PCDHGA4: variants seen among roughly 807,000 people sequenced by gnomAD.
PCDHGA4 encodes protocadherin gamma-A4.
Under a neutral mutation model 54.6 loss-of-function variants are expected in PCDHGA4, and 38 were observed. The observed-to-expected ratio is 0.70, with a 90% confidence interval of 0.54 to 0.91. The LOEUF (loss-of-function observed/expected upper bound fraction) is 0.91, where lower values mean the gene tolerates loss of function less well. Ranked by LOEUF, PCDHGA4 falls within the 40% of genes least tolerant of loss-of-function variation. PCDHGA4 has a pLI of 0.00. For synonymous variants in PCDHGA4, 511 were observed against 512.9 expected, an observed-to-expected ratio of 1.00 and a Z score of 0.05; for missense variants, 1,298 against 1,220.9, an observed-to-expected ratio of 1.06 and a Z score of -0.94.
chr5:141,393,731 T>C (rs1268576228), intron 1 of PCDHGA4: 1 of 1,613,754 alleles, frequency 6.2e-7, no homozygotes, highest in Non-Finnish European at 8.5e-7. Context: ...TAGCAAAAAG[T>C]CTAGATTATG....
In PCDHGA4 at chr5:141,385,085, A is replaced by G. The variant is rs753751562; in HGVS notation, c.2514+27464A>G. The G allele has an allele frequency of 1.1e-5, 18 of 1,614,014 alleles. No homozygotes were observed. In the Admixed American group the frequency reaches 3.0e-4, roughly 27 times the overall value. On this transcript the variant is annotated intron_variant, in intron 1 of 3. Transcript: ENST00000571252. ...AAGTCACGCCTGCTGCAGGCTTCAGAAGGTGGCTTGGCGAACGTGCCCACC... is the reference window on the plus strand; with the variant it reads ...AAGTCACGCCTGCTGCAGGCTTCAGGAGGTGGCTTGGCGAACGTGCCCACC...
intron 1 of PCDHGA4, among the ~76,000 whole-genome samples, chr5:141,465,905 G>A (rs938438286): frequency 6.6e-6 from 1 of 151,958 alleles, no homozygotes; most frequent in Admixed American, 6.6e-5. Flanking sequence ...GGCAAATCAC[G>A]AGGTCAGGAT....
chr5:141,404,164 G>A, intron 1 of PCDHGA4: 2 of 1,613,126 alleles, frequency 1.2e-6, no homozygotes, highest in South Asian at 2.2e-5. Context: ...ATTACAGATT[G>A]TTGACGGCCC....
chr5:141,485,274 C>T lies in PCDHGA4; in HGVS notation c.2515-9533C>T. On this transcript the variant is annotated intron_variant, in intron 1 of 3. Transcript: ENST00000571252. The surrounding 1 kb of genome is among the most constrained non-coding windows in gnomAD (Gnocchi z 5.7). Reference sequence around the variant, plus strand: ...TACGTTTGTGGGCAGATCCGCTACCCGGTCCCAGAGGAGTCACAGGAAGGG... The same window carrying T: ...TACGTTTGTGGGCAGATCCGCTACCTGGTCCCAGAGGAGTCACAGGAAGGG... The T allele has an allele frequency of 6.2e-7, 1 of 1,614,106 alleles. No individual in the cohort carries two copies. Among genetic ancestry groups the T allele is most frequent in the South Asian group, 1.1e-5 (1 of 91,086 alleles).
chr5:141,421,395 G>A (rs2096569109), intron 1 of PCDHGA4: 1 of 1,613,950 alleles, frequency 6.2e-7, no homozygotes, highest in Admixed American at 1.7e-5. Flanking sequence ...TGGGGCTGGA[G>A]CCCCGGGAGC....
intron 1 of PCDHGA4, chr5:141,384,230 A>G (rs771827146): frequency 1.2e-6 from 2 of 1,613,916 alleles, no homozygotes; most frequent in Admixed American, 3.3e-5. Flanking sequence ...CAGGTGGCAG[A>G]CACCAACGAT....
chr5:141,378,535 T>C (rs1235721694), intron 1 of PCDHGA4: 1 of 152,092 alleles, frequency 6.6e-6, no homozygotes, highest in Non-Finnish European at 1.5e-5. Context: ...AAAATAATAA[T>C]GATAATTAAT....
intron 1 of PCDHGA4, chr5:141,372,151 A>G: frequency 6.2e-7 from 1 of 1,613,654 alleles, no homozygotes; most frequent in South Asian, 1.1e-5. Flanking sequence ...GAGCCTGGCT[A>G]CCTGGTGACC....
chr5:141,503,046 G>T (rs1187153008), intron 2 of PCDHGA4, among the ~76,000 whole-genome samples: 1 of 151,658 alleles, frequency 6.6e-6, no homozygotes, highest in Non-Finnish European at 1.5e-5. Flanking sequence ...GTTGAGACAG[G>T]GTTTCACCAT....
chr5:141,462,243 A>C (rs141980823), intron 1 of PCDHGA4, among the ~76,000 whole-genome samples: 70 of 152,368 alleles, frequency 4.6e-4, no homozygotes, highest in African/African-American at 1.6e-3. Flanking sequence ...TACAGGTATG[A>C]GCCACCATGA....
chr5:141,423,546 G>A, intron 1 of PCDHGA4: 1 of 1,613,708 alleles, frequency 6.2e-7, no homozygotes, highest in Non-Finnish European at 8.5e-7. Flanking sequence ...TTTTCCCCCA[G>A]CCCAACTATG....
chr5:141,383,480 T>C, intron 1 of PCDHGA4: 2 of 1,613,740 alleles, frequency 1.2e-6, no homozygotes, highest in Non-Finnish European at 1.7e-6. Context: ...TACCCGGAAC[T>C]GGTGCTGGAG....
In PCDHGA4 at chr5:141,376,236, G is replaced by T. The variant is rs202155785; in HGVS notation, c.2514+18615G>T. ...GTGCTGCTGGCGCTCAGACTGCAGCGCTGGCACAAGTCACGCCTGCTGCAG... is the reference window on the plus strand; with the variant it reads ...GTGCTGCTGGCGCTCAGACTGCAGCTCTGGCACAAGTCACGCCTGCTGCAG... On this transcript the variant is annotated intron_variant, in intron 1 of 3. Coordinates refer to ENST00000571252, the MANE Select transcript of PCDHGA4 (RefSeq NM_018917.4). The T allele has an allele frequency of 2.8e-3, 4,477 of 1,614,208 alleles. 145 individuals carry two copies. In the South Asian group the frequency reaches 0.046, roughly 17 times the overall value.
chr5:141,402,593 G>T (rs4151700), intron 1 of PCDHGA4, among the ~76,000 whole-genome samples: 8,085 of 152,244 alleles, frequency 0.053, 229 homozygotes, highest in South Asian at 0.08. Flanking sequence ...AAAATAGATT[G>T]CTTTTGAAAT....
At chr5:141,370,214 C>A (rs988145754) in intron 1 of PCDHGA4, 8 of 565,608 alleles carry the variant, frequency 1.4e-5, no homozygotes, top group Non-Finnish European at 2.1e-5. Flanking sequence ...ATTGGCTCCT[C>A]CCGCTGCAGC....
chr5:141,408,897 T>C (rs1156707427), intron 1 of PCDHGA4: 1 of 1,613,118 alleles, frequency 6.2e-7, no homozygotes, highest in East Asian at 2.2e-5. Context: ...GAAATTTCTG[T>C]CAAGGATACC....
At chr5:141,363,012 T>G (rs1296290865) in intron 1 of PCDHGA4, among the ~76,000 whole-genome samples, 1 of 152,230 alleles carries the variant, frequency 6.6e-6, no homozygotes, top group African/African-American at 2.4e-5. Context: ...TCACAGGGCA[T>G]GGGTAGGACA....
At position 141,408,301 on chromosome 5, in the gene PCDHGA4, C is replaced by T. The variant is rs1472435921; in HGVS notation, c.2514+50680C>T. 3.1e-6 allele frequency: 5 copies of T among 1,613,756 alleles called. No individual in the cohort carries two copies. In the Admixed American group the frequency reaches 8.3e-5, roughly 27 times the overall value. ...TCTACCCCACCCTGAGTGAGCCGAT[C>T]CGCTACTCGATTCCGGAGGAGCTGG... On this transcript the variant is annotated intron_variant, in intron 1 of 3. Transcript: ENST00000571252.
intron 1 of PCDHGA4, chr5:141,362,185 C>A: frequency 6.2e-7 from 1 of 1,614,022 alleles, no homozygotes; most frequent in Middle Eastern, 1.6e-4. Context: ...GCCCTCTGAC[C>A]CCCAGGCAAA....
Sources: gnomAD v4.1 joint callset for allele counts (sites outside exome capture counted in the v4.1 genomes callset) on GRCh38, gnomAD v4.1.1 for gene constraint, Gnocchi (gnomAD v3.1) non-coding constraint, MANE v1.5 for transcripts, NCBI Gene and HGNC (gene_info 2026-07-23, HGNC 2026-07-21) for gene names.